The following MAP3K5 variants were observed in gnomAD, a reference collection of about 807,000 sequenced individuals.
MAP3K5 encodes ASK-1.
In MAP3K5, 56 loss-of-function variants were observed where a neutral mutation model predicts 158.7. The observed-to-expected ratio is 0.35, with a 90% CI of 0.28 to 0.44. The LOEUF (loss-of-function observed/expected upper bound fraction) is 0.44. MAP3K5 is among the 20% of genes least tolerant of loss of function. MAP3K5 has a pLI of 1.00. For synonymous variants in MAP3K5, 579 were observed against 601.7 expected, an observed-to-expected ratio of 0.96 and a Z score of 0.55; for missense variants, 1,294 against 1,674.8, an observed-to-expected ratio of 0.77 and a Z score of 3.97.
At chr6:136,754,298 G>A (rs1783362304) in intron 1 of MAP3K5, among the ~76,000 whole-genome samples, 1 of 151,760 alleles carries the variant, frequency 6.6e-6, no homozygotes, top group Admixed American at 6.6e-5. Context: ...AAAATCCCAG[G>A]CTGGGTGCAG....
chr6:136,681,846 G>A (rs1311826936), intron 7 of MAP3K5, among the ~76,000 whole-genome samples: 1 of 152,202 alleles, frequency 6.6e-6, no homozygotes, highest in African/African-American at 2.4e-5. Flanking sequence ...GTGAACCTGG[G>A]AGGCAGAGCT....
At chr6:136,685,322 C>CAAT (rs772296492) in intron 7 of MAP3K5, among the ~76,000 whole-genome samples, 23 of 151,884 alleles carry the variant, frequency 1.5e-4, no homozygotes, top group African/African-American at 4.3e-4. Flanking sequence ...TGCTCTAAAA[C>CAAT]AATAATAATA....
chr6:136,581,776 A>T (rs1774889746), intron 24 of MAP3K5, among the ~76,000 whole-genome samples: 1 of 152,076 alleles, frequency 6.6e-6, no homozygotes. Context: ...TGGTACCTTC[A>T]TTTCTTTAAA....
chr6:136,771,860 G>A (rs758415745), intron 1 of MAP3K5, among the ~76,000 whole-genome samples: 3 of 152,116 alleles, frequency 2.0e-5, no homozygotes, highest in African/African-American at 4.8e-5. Flanking sequence ...TTTCCAACCT[G>A]AGAGCTGATT....
At chr6:136,638,275 C>G (rs1777746366) in intron 13 of MAP3K5, among the ~76,000 whole-genome samples, 1 of 152,196 alleles carries the variant, frequency 6.6e-6, no homozygotes, top group South Asian at 2.1e-4. Context: ...GGATTTGCAT[C>G]AGCCACTCAT....
chr6:136,792,262 C>T lies in MAP3K5; in HGVS notation c.-105G>A. On this transcript the variant is annotated 5_prime_UTR_variant, in exon 1 of 30. An upstream start codon of the reference 5' UTR is lost. Transcript: ENST00000359015. The surrounding 1 kb of genome is among the most constrained non-coding windows in gnomAD (Gnocchi z 5.7). ...CGCGCCCGCCGGGCTAAGCAGCTGC[C>T]ATCGCGCGCCGCGCCCTCGCCGCCG... The T allele has an allele frequency of 1.7e-6, 2 of 1,197,508 alleles. No homozygotes were observed. Among genetic ancestry groups the T allele is most frequent in the Non-Finnish European group, 2.1e-6 (2 of 970,068 alleles). The allele number at this position is 1,197,508 out of a possible 1,614,324, so 74.2% of individuals were successfully genotyped here.
intron 26 of MAP3K5, 46 bp from the exon 27 acceptor site, chr6:136,562,661 A>T: frequency 1.0e-6 from 1 of 1,000,332 alleles, no homozygotes; most frequent in Non-Finnish European, 1.5e-6. Flanking sequence ...ACACAGGGTG[A>T]CCTTCTTTTT....
At chr6:136,565,283 T>G (rs1358985780) in intron 26 of MAP3K5, among the ~76,000 whole-genome samples, 3 of 152,260 alleles carry the variant, frequency 2.0e-5, no homozygotes, top group Non-Finnish European at 4.4e-5. Context: ...GGCAACTGTC[T>G]GCCTTTCTGT....
intron 1 of MAP3K5, among the ~76,000 whole-genome samples, chr6:136,756,326 A>C (rs1783481268): frequency 6.6e-6 from 1 of 152,128 alleles, no homozygotes; most frequent in African/African-American, 2.4e-5. Flanking sequence ...CAAAAAAACA[A>C]AATGCAGGTC....
chr6:136,717,733 T>C (rs1177032778), intron 2 of MAP3K5, among the ~76,000 whole-genome samples: 1 of 152,194 alleles, frequency 6.6e-6, no homozygotes. Flanking sequence ...CCAACTCTTT[T>C]CGGTAGCATA....
intron 8 of MAP3K5, among the ~76,000 whole-genome samples, chr6:136,668,969 A>C (rs554434044): frequency 6.6e-6 from 1 of 152,338 alleles, no homozygotes; most frequent in East Asian, 1.9e-4. Flanking sequence ...ATGTCTCACA[A>C]AACAGTAACC....
At chr6:136,569,373 T>C (rs138316095) in intron 25 of MAP3K5, among the ~76,000 whole-genome samples, 2 of 152,310 alleles carry the variant, frequency 1.3e-5, no homozygotes, top group Non-Finnish European at 2.9e-5. Context: ...GATTTTACCA[T>C]CTATTCTCTC....
intron 1 of MAP3K5, among the ~76,000 whole-genome samples, chr6:136,750,090 T>C (rs748628347): frequency 6.6e-6 from 1 of 152,160 alleles, no homozygotes; most frequent in Non-Finnish European, 1.5e-5. Context: ...GTTTTGTTAT[T>C]TTTTTAAGAT....
At chr6:136,583,817 C>T in intron 23 of MAP3K5, 77 bp from the exon 24 acceptor site, 3 of 1,334,848 alleles carry the variant, frequency 2.2e-6, no homozygotes, top group Non-Finnish European at 3.1e-6. Context: ...CTCCATACCC[C>T]CTGCCCCCAC....
intron 1 of MAP3K5, among the ~76,000 whole-genome samples, chr6:136,770,144 T>C (rs1235174411): frequency 6.6e-6 from 1 of 152,182 alleles, no homozygotes; most frequent in Non-Finnish European, 1.5e-5. Flanking sequence ...TTTTATTTTT[T>C]GAGACAGAGA....
intron 25 of MAP3K5, among the ~76,000 whole-genome samples, chr6:136,579,543 C>T (rs539012218): frequency 6.6e-6 from 1 of 152,238 alleles, no homozygotes; most frequent in South Asian, 2.1e-4. Context: ...CTTTATGATA[C>T]TATAATGGTG....
chr6:136,602,717 T>C (rs1775932803), intron 19 of MAP3K5, among the ~76,000 whole-genome samples: 1 of 152,172 alleles, frequency 6.6e-6, no homozygotes, highest in South Asian at 2.1e-4. Flanking sequence ...GATTAAATAT[T>C]TTCCTTGTTA....
intron 1 of MAP3K5, among the ~76,000 whole-genome samples, chr6:136,752,072 C>T (rs1278221944): frequency 6.6e-6 from 1 of 152,110 alleles, no homozygotes; most frequent in East Asian, 1.9e-4. Flanking sequence ...GGTTCTCTGC[C>T]TCCCTTCATT....
intron 14 of MAP3K5, 35 bp from the exon 15 acceptor site, chr6:136,623,016 C>T: frequency 6.2e-7 from 1 of 1,601,946 alleles, no homozygotes; most frequent in Non-Finnish European, 8.5e-7. Flanking sequence ...AAGATCAAAA[C>T]ATTAGTTCAT....
Sources: allele counts gnomAD v4.1 joint callset (sites outside exome capture counted in the v4.1 genomes callset), GRCh38; gene constraint gnomAD v4.1.1; non-coding constraint Gnocchi (gnomAD v3.1); transcripts MANE v1.5; gene names NCBI Gene and HGNC (gene_info 2026-07-23, HGNC 2026-07-21).